Variants in SLC4A4 observed in about 807,000 individuals in gnomAD.
SLC4A4 encodes the protein electrogenic sodium bicarbonate cotransporter 1.
Under a neutral mutation model 111.5 loss-of-function variants are expected in SLC4A4, and 27 were observed. That is an observed-to-expected ratio of 0.24 (90% CI 0.18 to 0.33). The LOEUF is 0.33. SLC4A4 is among the 10% of genes least tolerant of loss of function. SLC4A4 has a pLI of 1.00. For missense variants in SLC4A4, 909 were observed against 1,315.5 expected (o/e 0.69, Z 4.78); for synonymous variants, 443 against 463.4 (o/e 0.96, Z 0.57).
chr4:71,296,044 T>G (rs895302820), intron 3 of SLC4A4, among the ~76,000 whole-genome samples: 2 of 152,200 alleles, frequency 1.3e-5, no homozygotes, highest in African/African-American at 4.8e-5. Context: ...AACCACTGAA[T>G]GTTACAGTGG....
rs570308346 is a variant in SLC4A4, at chr4:71,352,515, G to C, written c.550+2443G>C. ...TATATTAATTCCCGTGAGATACAGAGTGATGTTGAAGAAGGAATGCTGGAT... is the reference window on the plus strand; with the variant it reads ...TATATTAATTCCCGTGAGATACAGACTGATGTTGAAGAAGGAATGCTGGAT... On this transcript the variant is annotated intron_variant, in intron 5 of 25. Transcript: ENST00000264485. Among the ~76,000 whole-genome samples, 9 of 152,314 alleles carry C rather than the reference G, an allele frequency of 5.9e-5. No homozygotes were observed. The South Asian group carries it at 1.9e-3, about 32-fold the overall frequency.
At chr4:71,446,102 C>T (rs1340313055) in intron 8 of SLC4A4, among the ~76,000 whole-genome samples, 1 of 151,974 alleles carries the variant, frequency 6.6e-6, no homozygotes, top group African/African-American at 2.4e-5. Flanking sequence ...GGTATAAAAC[C>T]TGAGTATTCA....
chr4:71,379,481 CT>C (rs987608719), intron 6 of SLC4A4, among the ~76,000 whole-genome samples: 1 of 152,064 alleles, frequency 6.6e-6, no homozygotes, highest in South Asian at 2.1e-4. Context: ...CCGCAGGAGA[CT>C]TTTTTCATAA....
chr4:71,149,767 C>T (rs1744266003), intron 2 of SLC4A4, among the ~76,000 whole-genome samples: 1 of 152,134 alleles, frequency 6.6e-6, no homozygotes, highest in South Asian at 2.1e-4. Context: ...ATGAGATTCA[C>T]TGTTTACTAA....
At chr4:71,119,306 C>T (rs1192781519) in intron 2 of SLC4A4, among the ~76,000 whole-genome samples, 1 of 152,186 alleles carries the variant, frequency 6.6e-6, no homozygotes, top group Non-Finnish European at 1.5e-5. Context: ...GCCTATTACT[C>T]ATTTGTATTT....
chr4:71,525,425 T>C (rs1377525), intron 16 of SLC4A4, among the ~76,000 whole-genome samples: 19,601 of 152,224 alleles, frequency 0.13, 1,562 homozygotes, highest in Admixed American at 0.24. Flanking sequence ...CATGCTTCTC[T>C]TTCCGTCTTT....
intron 5 of SLC4A4, among the ~76,000 whole-genome samples, chr4:71,352,487 T>G (rs750826545): frequency 1.3e-5 from 2 of 152,214 alleles, no homozygotes; most frequent in Non-Finnish European, 2.9e-5. Context: ...TGGGAAGATG[T>G]CATATATTAA....
At chr4:71,489,228 A>G (rs1373206235) in intron 15 of SLC4A4, among the ~76,000 whole-genome samples, 1 of 151,760 alleles carries the variant, frequency 6.6e-6, no homozygotes, top group Non-Finnish European at 1.5e-5. Flanking sequence ...CCCAAAGACC[A>G]TACATATTAC....
chr4:71,347,074 T>C (rs1350762249), intron 4 of SLC4A4, among the ~76,000 whole-genome samples: 1 of 152,168 alleles, frequency 6.6e-6, no homozygotes, highest in East Asian at 1.9e-4. Context: ...CCTAAAGAGC[T>C]GGTGTAATCC....
chr4:71,450,823 T>G (rs1432347983), intron 10 of SLC4A4, among the ~76,000 whole-genome samples: 1 of 152,238 alleles, frequency 6.6e-6, no homozygotes, highest in Non-Finnish European at 1.5e-5. Flanking sequence ...GGCGATGTTT[T>G]GGGGACCCCC....
At chr4:71,097,412 A>G (rs1429051191) in intron 2 of SLC4A4, among the ~76,000 whole-genome samples, 1 of 151,932 alleles carries the variant, frequency 6.6e-6, no homozygotes, top group Non-Finnish European at 1.5e-5. Flanking sequence ...CATTTTCTTT[A>G]CCCATCTGTC....
chr4:71,236,104 G>T (rs1215947797), intron 1 of SLC4A4: 1 of 1,007,594 alleles, frequency 9.9e-7, no homozygotes, highest in East Asian at 9.8e-5. Context: ...CGTGTGGGTG[G>T]GTGTGCATGT....
rs34285798 is a variant in SLC4A4 at position 71,079,775 on chromosome 4, C to CAAA, written c.-64-12944_-64-12942dup. Among the ~76,000 whole-genome samples, 1,127 of 142,442 alleles carry CAAA rather than the reference C, an allele frequency of 7.9e-3. 10 individuals carry two copies. The highest frequency in any genetic ancestry group is 0.02 in the African/African-American group (764 of 38,166). The allele number at this position is 142,442 out of a possible 152,430, so 93.4% of individuals were successfully genotyped here. ...TAGGTGATAGAATGAAACTCTGTCT[C>CAAA]AAAAAAAAAAAAAGATGTAAAGAAA... On this transcript the variant is annotated intron_variant, in intron 1 of 26. Transcript: ENST00000649996.
chr4:71,160,987 A>G (rs1744604067), intron 2 of SLC4A4, among the ~76,000 whole-genome samples: 1 of 152,244 alleles, frequency 6.6e-6, no homozygotes, highest in Non-Finnish European at 1.5e-5. Context: ...CTTCAAGATG[A>G]AAAACATTGC....
intron 2 of SLC4A4, among the ~76,000 whole-genome samples, chr4:71,252,731 T>C (rs558221267): frequency 1.3e-5 from 2 of 152,338 alleles, no homozygotes; most frequent in Non-Finnish European, 1.5e-5. Flanking sequence ...CAAGAGTGGT[T>C]GCATTAGACA....
chr4:71,416,074 G>A (rs1378339187), intron 7 of SLC4A4, among the ~76,000 whole-genome samples: 3 of 152,172 alleles, frequency 2.0e-5, no homozygotes, highest in Non-Finnish European at 4.4e-5. Context: ...TAATTCCAAA[G>A]CTTATTCCTG....
At position 71,467,332 on chromosome 4, in the gene SLC4A4, C is replaced by T. The variant is rs137869299; in HGVS notation, c.1631+755C>T. Among the ~76,000 whole-genome samples the T allele has an allele frequency of 3.7e-3, 562 of 152,198 alleles. 4 individuals are homozygous for T. The highest frequency in any genetic ancestry group is 0.013 in the African/African-American group (539 of 41,540). On this transcript the variant is annotated intron_variant, in intron 13 of 25. Transcript: ENST00000264485. ...TCTTTACTTAGTCCACTGCTCCTCA[C>T]CCCAGTTTCATGTTCTTAACTAAAG...
intron 1 of SLC4A4, among the ~76,000 whole-genome samples, chr4:71,078,374 T>A (rs1041310538): frequency 6.6e-6 from 1 of 152,050 alleles, no homozygotes; most frequent in African/African-American, 2.4e-5. Context: ...TGTACATCAA[T>A]TAGTAAGTGT....
intron 2 of SLC4A4, among the ~76,000 whole-genome samples, chr4:71,128,924 C>T (rs1316265281): frequency 1.3e-5 from 2 of 152,134 alleles, no homozygotes; most frequent in South Asian, 2.1e-4. Context: ...CTTTCAACTT[C>T]GAGTGTCTCC....
Sources: gnomAD v4.1 joint callset for allele counts (sites outside exome capture counted in the v4.1 genomes callset) on GRCh38, gnomAD v4.1.1 for gene constraint, MANE v1.5 for transcripts, NCBI Gene and HGNC (gene_info 2026-07-23, HGNC 2026-07-21) for gene names.